FLNB: variants seen among roughly 807,000 people sequenced by gnomAD.
The protein encoded by FLNB is filamin B.
Under a neutral mutation model 250.6 loss-of-function variants are expected in FLNB, and 111 were observed. The ratio of observed to expected loss-of-function variants is 0.44; its 90% confidence interval spans 0.38 to 0.52. FLNB has a LOEUF of 0.52. FLNB is among the 20% of genes least tolerant of loss of function. The pLI, the probability that FLNB is intolerant of heterozygous loss-of-function variation, is 0.00. For missense variants in FLNB, 2,869 were observed against 3,447.8 expected (o/e 0.83, Z 4.20); for synonymous variants, 1,302 against 1,372.1 (o/e 0.95, Z 1.13).
intron 44 of FLNB, 189 bp downstream of exon 44, chr3:58,168,847 G>A: frequency 1.6e-6 from 1 of 638,888 alleles, no homozygotes; most frequent in Admixed American, 2.2e-5. Context: ...GTGGAGCCGT[G>A]CAGAAGTTGA....
rs562655674 is a variant in FLNB at position 58,086,126 on chromosome 3, G to A, written c.787+4350G>A. Among the ~76,000 whole-genome samples the A allele has an allele frequency of 1.2e-3, 188 of 150,484 alleles. 1 individual carries two copies. The Middle Eastern group carries it at 0.014, about 11-fold the overall frequency. On this transcript the variant is annotated intron_variant, in intron 4 of 45. Transcript: ENST00000295956. ...TTCTCCCTCCTCAGCTTCCCTAGTAGTTCGGACCACAGGTGTGCACCACCA... is the reference window on the plus strand; with the variant it reads ...TTCTCCCTCCTCAGCTTCCCTAGTAATTCGGACCACAGGTGTGCACCACCA...
At chr3:58,087,966 C>T (rs1326260155) in intron 4 of FLNB, among the ~76,000 whole-genome samples, 1 of 150,906 alleles carries the variant, frequency 6.6e-6, no homozygotes, top group Non-Finnish European at 1.5e-5. Context: ...TCTTGAACTG[C>T]TGACCTTGGG....
At chr3:58,152,535 T>C (rs781331408) in intron 38 of FLNB, among the ~76,000 whole-genome samples, 20 of 150,768 alleles carry the variant, frequency 1.3e-4, no homozygotes, top group Non-Finnish European at 3.0e-4. Flanking sequence ...CATCACAGGG[T>C]CGCTCCACTT....
rs1177566974 is a variant in FLNB at position 58,072,315 on chromosome 3, G to A, written c.293-4731G>A. 2.0e-5 allele frequency among the ~76,000 whole-genome samples: 3 copies of A among 152,172 alleles called. No homozygotes were observed. In the East Asian group the frequency reaches 5.8e-4, roughly 29 times the overall value. ...TAAGCAGATTCTAGGTGGTTAGGCG[G>A]ACCTGGTAGGCGTTGGTTTATTTTA... On this transcript the variant is annotated intron_variant, in intron 1 of 45. Coordinates refer to ENST00000295956, the MANE Select transcript of FLNB (RefSeq NM_001457.4).
chr3:58,141,469 A>G (rs2097326882), intron 29 of FLNB, among the ~76,000 whole-genome samples: 1 of 152,022 alleles, frequency 6.6e-6, no homozygotes. Flanking sequence ...GATTCATTGG[A>G]CCTGACTGCC....
chr3:58,095,229 GTATT>G (rs1553694995), intron 5 of FLNB, among the ~76,000 whole-genome samples: 10 of 147,812 alleles, frequency 6.8e-5, no homozygotes, highest in East Asian at 2.0e-4. Context: ...GTTTATGTAT[GTATT>G]TATTTATTTA....
At chr3:58,078,220 A>C in intron 2 of FLNB, 2 of 1,295,494 alleles carry the variant, frequency 1.5e-6, no homozygotes, top group Non-Finnish European at 2.0e-6. Flanking sequence ...GACACATTTT[A>C]GGATACCTCT....
chr3:58,029,968 G>A (rs1181365172), intron 1 of FLNB, among the ~76,000 whole-genome samples: 4 of 152,146 alleles, frequency 2.6e-5, no homozygotes, highest in Non-Finnish European at 5.9e-5. Flanking sequence ...AAGATTTAAC[G>A]AGCTAAATTG....
intron 36 of FLNB, 110 bp downstream of exon 36, chr3:58,148,962 T>C: frequency 1.0e-6 from 1 of 974,290 alleles, no homozygotes; most frequent in Non-Finnish European, 1.6e-6. Flanking sequence ...TGAGCATCCT[T>C]CAAGCTATAG....
chr3:58,070,283 A>G (rs995307052), intron 1 of FLNB, among the ~76,000 whole-genome samples: 16 of 152,002 alleles, frequency 1.1e-4, no homozygotes, highest in African/African-American at 3.9e-4. Flanking sequence ...GACCTCAGTG[A>G]TCTGCCTGCC....
At chr3:58,037,058 C>CTTTTTTTTT (rs549716136) in intron 1 of FLNB, among the ~76,000 whole-genome samples, 1 of 103,594 alleles carries the variant, frequency 9.7e-6, no homozygotes, top group Non-Finnish European at 2.0e-5. Context: ...ACATTAGAGT[C>CTTTTTTTTT]TTTTTTTTTT....
At chr3:58,154,208 T>C (rs564928344) in intron 39 of FLNB, among the ~76,000 whole-genome samples, 77 of 152,282 alleles carry the variant, frequency 5.1e-4, no homozygotes, top group African/African-American at 1.8e-3. Flanking sequence ...CCTCCTAAAG[T>C]GCTGGGATTA....
At chr3:58,115,231 A>G (rs2097275855) in intron 18 of FLNB, among the ~76,000 whole-genome samples, 1 of 152,158 alleles carries the variant, frequency 6.6e-6, no homozygotes, top group South Asian at 2.1e-4. Flanking sequence ...GAGCCTTACT[A>G]CTGGGTGCAC....
intron 29 of FLNB, among the ~76,000 whole-genome samples, chr3:58,141,537 A>G (rs1005642962): frequency 6.6e-6 from 1 of 152,170 alleles, no homozygotes; most frequent in African/African-American, 2.4e-5. Context: ...CCAGATGGAC[A>G]TTGGGTTGCT....
At chr3:58,074,162 G>A (rs1014428795) in intron 1 of FLNB, among the ~76,000 whole-genome samples, 2 of 152,212 alleles carry the variant, frequency 1.3e-5, no homozygotes, top group Non-Finnish European at 2.9e-5. Flanking sequence ...TTACTCTTAT[G>A]ACCCAGACCA....
In FLNB at chr3:58,149,721, C is replaced by G. The variant is rs994717902; in HGVS notation, c.6092-129C>G. 3.8e-5 allele frequency: 46 copies of G among 1,207,570 alleles called. 1 individual carries two copies. Among genetic ancestry groups the G allele is most frequent in the Non-Finnish European group, 5.3e-5 (44 of 835,670 alleles). The allele number at this position is 1,207,570 out of a possible 1,614,324, so 74.8% of individuals were successfully genotyped here. A position where few individuals can be genotyped will look rare whatever the true frequency, so the allele number is the denominator to read the frequency against. ...CCCCTCTGGGCTTTGCAAACGAGGCCGCCATTGCTTTCTTTCTGCTATGTA... is the reference window on the plus strand; with the variant it reads ...CCCCTCTGGGCTTTGCAAACGAGGCGGCCATTGCTTTCTTTCTGCTATGTA... On this transcript the variant is annotated intron_variant, in intron 36 of 45. Coordinates refer to ENST00000295956, the MANE Select transcript of FLNB (RefSeq NM_001457.4).
At chr3:58,156,272 C>T (rs1408648003) in intron 41 of FLNB, among the ~76,000 whole-genome samples, 197 bp downstream of exon 41, 1 of 152,106 alleles carries the variant, frequency 6.6e-6, no homozygotes. Context: ...ACACTTGGGG[C>T]GAGCAAAAAC....
rs2097209520 is a variant in FLNB at position 58,081,766 on chromosome 3, C to T, written c.777C>T (p.Ala259=). 1 of 1,614,146 alleles carries T rather than the reference C, an allele frequency of 6.2e-7. No homozygotes were observed. The highest frequency in any genetic ancestry group is 8.5e-7 in the Non-Finnish European group (1 of 1,180,008). The change falls in exon 4 of 46, where the codon GCC becomes GCT. Residue 259 remains alanine (A), a synonymous_variant. Coordinates refer to ENST00000295956, the MANE Select transcript of FLNB (RefSeq NM_001457.4). The part of the protein sequence containing the change: ...KPKLNPKKAR[A]YGRGIEPTGN... ...AACTCAACCCGAAGAAAGCCAGGGC[C>T]TATGGCAGAGGTGAGTGCTGGTCCT...
chr3:58,164,950 G>A lies in FLNB; in HGVS notation c.7198+1620G>A. ...GCTTGGCCCCCTCTCTAAGTGGCTG[G>A]CTCACCCAGAGGCAGTGACTGCATC... On this transcript the variant is annotated intron_variant, in intron 43 of 45. Transcript: ENST00000295956. This position sits in a 1 kb window ranked among gnomAD's most constrained non-coding sequence, Gnocchi z 4.0. 6.6e-6 allele frequency: 1 copy of A among 152,564 alleles called. No individual in the cohort carries two copies. Among genetic ancestry groups the A allele is most frequent in the Non-Finnish European group, 1.5e-5 (1 of 68,246 alleles). The allele number at this position is 152,564 out of a possible 1,614,324, so 9.5% of individuals were successfully genotyped here. A position where few individuals can be genotyped will look rare whatever the true frequency, so the allele number is the denominator to read the frequency against.
Sources: allele counts gnomAD v4.1 joint callset (sites outside exome capture counted in the v4.1 genomes callset), GRCh38; gene constraint gnomAD v4.1.1; non-coding constraint Gnocchi (gnomAD v3.1); transcripts MANE v1.5; gene names NCBI Gene and HGNC (gene_info 2026-07-23, HGNC 2026-07-21).